The following MIS18A variants were observed in gnomAD, a reference collection of about 807,000 sequenced individuals.
MIS18A encodes the protein MIS18 kinetochore protein A.
MIS18A carries 14 observed loss-of-function variants against 25.0 expected under a neutral mutation model. The ratio of observed to expected loss-of-function variants is 0.56; its 90% CI spans 0.37 to 0.88. The LOEUF (loss-of-function observed/expected upper bound fraction) is 0.88, where lower values mean the gene tolerates loss of function less well. Among genes scored for constraint, MIS18A ranks in the 40% least tolerant of loss-of-function variants. The pLI is 0.00. For synonymous variants in MIS18A, 134 were observed against 118.6 expected (o/e 1.13, Z -0.84); for missense variants, 292 against 290.8 (o/e 1.00, Z -0.03).
the MIS18A span, among the ~76,000 whole-genome samples, chr21:32,187,317 C>A: frequency 6.6e-6 from 1 of 152,132 alleles, no homozygotes; most frequent in South Asian, 2.1e-4. Flanking sequence ...GCCAGTGTCA[C>A]ATTTTGAAGT....
the MIS18A span, among the ~76,000 whole-genome samples, chr21:32,215,073 T>C: frequency 6.6e-6 from 1 of 152,210 alleles, no homozygotes; most frequent in African/African-American, 2.4e-5. Flanking sequence ...CCTGTGAATG[T>C]TGACATCTTG....
At chr21:32,169,172 A>T in the MIS18A span, among the ~76,000 whole-genome samples, 1 of 133,598 alleles carries the variant, frequency 7.5e-6, no homozygotes. Flanking sequence ...CTTTCAGCTT[A>T]AAAACCAGCA....
At chr21:32,239,853 G>A in the MIS18A span, among the ~76,000 whole-genome samples, 10 of 152,194 alleles carry the variant, frequency 6.6e-5, no homozygotes, top group Non-Finnish European at 2.9e-5. Flanking sequence ...TACATGCCAA[G>A]GACATTTTCC....
At chr21:32,176,610 T>C in the MIS18A span, among the ~76,000 whole-genome samples, 1 of 152,056 alleles carries the variant, frequency 6.6e-6, no homozygotes, top group South Asian at 2.1e-4. Flanking sequence ...GTGTACGTAT[T>C]AGAAAATAAG....
At chr21:32,158,196 C>T in the MIS18A span, among the ~76,000 whole-genome samples, 1 of 151,992 alleles carries the variant, frequency 6.6e-6, no homozygotes, top group Non-Finnish European at 1.5e-5. Flanking sequence ...TAATTTTTTT[C>T]CTTACTTAGA....
In MIS18A at chr21:32,269,136, A is replaced by T. The variant is rs1407899272; in HGVS notation, c.622-19T>A. 6.6e-7 allele frequency: 1 copy of T among 1,524,798 alleles called. No homozygotes were observed. The highest frequency in any genetic ancestry group is 8.9e-7 in the Non-Finnish European group (1 of 1,120,190). 94.5% of individuals were successfully genotyped at this position (1,524,798 alleles called of 1,614,324 possible). ...CTTCCATCTATTGAATTTAAAAAAT[A>T]AAAAAATAAAGAAACACACATATAA... On this transcript the variant is annotated intron_variant, in intron 4 of 4. Coordinates refer to ENST00000290130, the MANE Select transcript of MIS18A (RefSeq NM_018944.3).
chr21:32,270,352 G>A lies in MIS18A; in HGVS notation c.524+55C>T, dbSNP rs930852062. The A allele has an allele frequency of 6.3e-5, 100 of 1,593,590 alleles. No homozygotes were observed. The Admixed American group carries it at 1.6e-3, about 26-fold the overall frequency. ...ATTGATTTAGTTCTGACAATTCCGT[G>A]CCTTAACTTTCTGAAACACCAGTTG... On this transcript the variant is annotated intron_variant, in intron 3 of 4. Transcript: ENST00000290130.
At chr21:32,240,396 G>C in the MIS18A span, among the ~76,000 whole-genome samples, 7 of 152,358 alleles carry the variant, frequency 4.6e-5, no homozygotes, top group African/African-American at 1.7e-4. Context: ...TAGGAACCAA[G>C]AGCAGCTGCC....
the MIS18A span, among the ~76,000 whole-genome samples, chr21:32,208,244 C>T: frequency 6.6e-6 from 1 of 152,232 alleles, no homozygotes; most frequent in African/African-American, 2.4e-5. Flanking sequence ...CCCACCAAAT[C>T]TCTTGTCGAA....
At chr21:32,243,146 G>A in the MIS18A span, among the ~76,000 whole-genome samples, 1 of 152,132 alleles carries the variant, frequency 6.6e-6, no homozygotes, top group Non-Finnish European at 1.5e-5. Context: ...AACGTTAAAC[G>A]TTTTAGAAGC....
chr21:32,237,247 G>A, the MIS18A span, among the ~76,000 whole-genome samples: 1 of 152,218 alleles, frequency 6.6e-6, no homozygotes, highest in Non-Finnish European at 1.5e-5. Flanking sequence ...GATGTGGGCA[G>A]AACCAAGCCT....
the MIS18A span, among the ~76,000 whole-genome samples, chr21:32,231,488 G>C: frequency 6.6e-6 from 1 of 152,094 alleles, no homozygotes; most frequent in South Asian, 2.1e-4. Flanking sequence ...ACCACAATGC[G>C]ATATCACGTC....
At chr21:32,267,061 A>G (rs2031620109), downstream of MIS18A, among the ~76,000 whole-genome samples, 1 of 152,206 alleles carries the variant, frequency 6.6e-6, no homozygotes, top group African/African-American at 2.4e-5. Context: ...CAAGCGGCCC[A>G]GGACAGGGTG....
chr21:32,190,541 A>T, the MIS18A span, among the ~76,000 whole-genome samples: 1 of 152,160 alleles, frequency 6.6e-6, no homozygotes, highest in Non-Finnish European at 1.5e-5. Context: ...CAGCAATAAG[A>T]ACACATTTTT....
chr21:32,223,559 C>T, the MIS18A span, among the ~76,000 whole-genome samples: 2 of 152,158 alleles, frequency 1.3e-5, no homozygotes, highest in Admixed American at 1.3e-4. Context: ...GGCACATACA[C>T]CCTCCCAAGA....
At chr21:32,173,528 A>G in the MIS18A span, among the ~76,000 whole-genome samples, 1 of 152,222 alleles carries the variant, frequency 6.6e-6, no homozygotes, top group African/African-American at 2.4e-5. Flanking sequence ...TAATAGCCAA[A>G]AAGTGGAAAC....
At chr21:32,249,360 G>A in the MIS18A span, among the ~76,000 whole-genome samples, 1 of 152,304 alleles carries the variant, frequency 6.6e-6, no homozygotes, top group Non-Finnish European at 1.5e-5. Context: ...CCCTCTAACA[G>A]GCTGCCCGGG....
the MIS18A span, among the ~76,000 whole-genome samples, chr21:32,196,377 T>C: frequency 5.3e-5 from 8 of 152,090 alleles, no homozygotes; most frequent in East Asian, 1.5e-3. Flanking sequence ...TCTTAGGACT[T>C]AGGTCTCAGC....
chr21:32,190,415 C>A, the MIS18A span, among the ~76,000 whole-genome samples: 1 of 152,194 alleles, frequency 6.6e-6, no homozygotes, highest in Admixed American at 6.5e-5. Flanking sequence ...GTGAGCATTC[C>A]TGATAGACAC....
Sources: gnomAD v4.1 joint callset for allele counts (sites outside exome capture counted in the v4.1 genomes callset) on GRCh38, gnomAD v4.1.1 for gene constraint, MANE v1.5 for transcripts, NCBI Gene and HGNC (gene_info 2026-07-23, HGNC 2026-07-21) for gene names.